Variants in STARD13 observed in about 807,000 individuals in gnomAD.
STARD13 encodes StAR related lipid transfer domain containing 13, also known as stAR-related lipid transfer protein 13.
Under a neutral mutation model 106.4 loss-of-function variants are expected in STARD13, and 62 were observed. That is an observed-to-expected ratio of 0.58 (90% CI 0.48 to 0.72). The LOEUF is 0.72. STARD13 is among the 30% of genes least tolerant of loss of function. The pLI is 0.00. For missense variants in STARD13, 1,387 were observed against 1,424.0 expected (o/e 0.97, Z 0.42); for synonymous variants, 565 against 553.0 (o/e 1.02, Z -0.31).
chr13:33,551,568 C>CTTTTTTTTTTTTTTTTTTTTTTTTT, the STARD13 span, among the ~76,000 whole-genome samples: 24 of 44,794 alleles, frequency 5.4e-4, 12 homozygotes, highest in South Asian at 1.9e-3. Flanking sequence ...TTTGCTTTTC[C>CTTTTTTTTTTTTTTTTTTTTTTTTT]CTTTTTTTTT....
the STARD13 span, among the ~76,000 whole-genome samples, chr13:33,642,233 G>T: frequency 9.2e-5 from 14 of 152,190 alleles, no homozygotes; most frequent in Non-Finnish European, 2.9e-5. Flanking sequence ...GGGAGGTAGG[G>T]AATGTGAATA....
the STARD13 span, among the ~76,000 whole-genome samples, chr13:33,449,108 C>T: frequency 6.6e-6 from 1 of 151,570 alleles, no homozygotes; most frequent in Non-Finnish European, 1.5e-5. Context: ...TTGATGTAAT[C>T]CCATTTGTCT....
chr13:33,415,238 G>T, the STARD13 span, among the ~76,000 whole-genome samples: 3 of 152,134 alleles, frequency 2.0e-5, no homozygotes, highest in Non-Finnish European at 4.4e-5. Context: ...CGTGGTGGCG[G>T]GCGCCTGTAG....
intron 1 of STARD13, among the ~76,000 whole-genome samples, chr13:33,321,504 A>AGG: frequency 6.7e-6 from 1 of 150,014 alleles, no homozygotes; most frequent in African/African-American, 2.5e-5. Flanking sequence ...ACTCCGTCTC[A>AGG]GGGAAAAAAA....
chr13:33,237,442 C>T (rs1594146710), intron 1 of STARD13, among the ~76,000 whole-genome samples: 1 of 152,178 alleles, frequency 6.6e-6, no homozygotes, highest in East Asian at 1.9e-4. Context: ...GTAAACGAGC[C>T]TCAATTTATA....
chr13:33,287,305 A>T (rs1435855903), upstream of STARD13, among the ~76,000 whole-genome samples: 2 of 152,190 alleles, frequency 1.3e-5, no homozygotes, highest in Non-Finnish European at 2.9e-5. Context: ...CGTCTTGTAT[A>T]ACTGTCCCGC....
At chr13:33,441,628 A>C in the STARD13 span, among the ~76,000 whole-genome samples, 1 of 152,226 alleles carries the variant, frequency 6.6e-6, no homozygotes, top group Non-Finnish European at 1.5e-5. Context: ...GGAAATTCGG[A>C]AAAACAGATG....
chr13:33,640,996 A>C, the STARD13 span, among the ~76,000 whole-genome samples: 2 of 152,206 alleles, frequency 1.3e-5, no homozygotes, highest in South Asian at 4.1e-4. Flanking sequence ...CACAGGGGGA[A>C]TTGTTCATCT....
chr13:33,521,126 AG>A, the STARD13 span, among the ~76,000 whole-genome samples: 2 of 152,250 alleles, frequency 1.3e-5, no homozygotes, highest in Non-Finnish European at 2.9e-5. Context: ...AGTATTTGTC[AG>A]GAACTGAGAG....
At chr13:33,423,767 A>C in the STARD13 span, among the ~76,000 whole-genome samples, 1 of 152,238 alleles carries the variant, frequency 6.6e-6, no homozygotes, top group South Asian at 2.1e-4. Flanking sequence ...TGCAGCCATA[A>C]AAAAGGATAA....
chr13:33,126,294 G>T (rs1340994243), intron 6 of STARD13, 54 bp from the exon 7 acceptor site: 6 of 1,579,670 alleles, frequency 3.8e-6, no homozygotes, highest in African/African-American at 1.3e-5. Flanking sequence ...ACTGTGGGGT[G>T]AGGCTCTGGA....
At chr13:33,350,580 ACG>A in exon 1 of STARD13, 1 of 1,387,882 alleles carries the variant, frequency 7.2e-7, no homozygotes, top group East Asian at 2.9e-5. Flanking sequence ...AGGCTGCGCC[ACG>A]CGCGAGGACC....
At chr13:33,472,109 A>G in the STARD13 span, among the ~76,000 whole-genome samples, 1 of 152,070 alleles carries the variant, frequency 6.6e-6, no homozygotes, top group Non-Finnish European at 1.5e-5. Context: ...CATTTAAAAA[A>G]TTTGCTTTTC....
intron 12 of STARD13, among the ~76,000 whole-genome samples, chr13:33,108,923 T>A (rs955752585): frequency 5.3e-5 from 8 of 152,226 alleles, no homozygotes; most frequent in Non-Finnish European, 1.2e-4. Flanking sequence ...TCCAGCAGGA[T>A]CCCAAGGAAG....
At chr13:33,566,074 A>T in the STARD13 span, among the ~76,000 whole-genome samples, 2 of 148,448 alleles carry the variant, frequency 1.3e-5, no homozygotes, top group Non-Finnish European at 3.0e-5. Flanking sequence ...GTTAAGTGCT[A>T]TCTTATGATG....
At chr13:33,498,477 G>A in the STARD13 span, among the ~76,000 whole-genome samples, 1 of 152,092 alleles carries the variant, frequency 6.6e-6, no homozygotes, top group Non-Finnish European at 1.5e-5. Context: ...AAGAGATAAG[G>A]TAATAGGACC....
chr13:33,271,099 CT>C, intron 1 of STARD13, among the ~76,000 whole-genome samples: 1 of 152,162 alleles, frequency 6.6e-6, no homozygotes. Context: ...AACATTGATA[CT>C]TTTTTCTGAC....
At chr13:33,565,425 C>T in the STARD13 span, among the ~76,000 whole-genome samples, 3 of 147,676 alleles carry the variant, frequency 2.0e-5, 1 homozygote, top group African/African-American at 7.5e-5. Context: ...CAAATTATCA[C>T]ATACACTGCA....
chr13:33,602,752 A>G, the STARD13 span, among the ~76,000 whole-genome samples: 1 of 152,212 alleles, frequency 6.6e-6, no homozygotes, highest in Non-Finnish European at 1.5e-5. Flanking sequence ...CATTGATGGC[A>G]TTAGATTCTC....
Sources: gnomAD v4.1 joint callset for allele counts (sites outside exome capture counted in the v4.1 genomes callset) on GRCh38, gnomAD v4.1.1 for gene constraint, MANE v1.5 for transcripts, NCBI Gene and HGNC (gene_info 2026-07-23, HGNC 2026-07-21) for gene names.